Variants in MYO6 observed in about 807,000 individuals in gnomAD.
The protein encoded by MYO6 is unconventional myosin-VI.
In MYO6, 74 loss-of-function variants were observed where a neutral mutation model predicts 178.7. That is an observed-to-expected ratio of 0.41 (90% CI 0.34 to 0.50). MYO6 has a LOEUF of 0.50. Ranked by LOEUF, MYO6 falls within the 20% of genes least tolerant of loss-of-function variation. The pLI, the probability that MYO6 is intolerant of heterozygous loss-of-function variation, is 0.09. For synonymous variants in MYO6, 477 were observed against 504.6 expected (o/e 0.95, Z 0.73); for missense variants, 1,330 against 1,547.4 (o/e 0.86, Z 2.36).
rs1357096102 is a variant in MYO6 at position 75,918,477 on chromosome 6, G to A, written c.*3465G>A. ...TAGAATGAATAATGTGTAATTTATA[G>A]GATCAGAACGTATGGTTATTAAAAC... On this transcript the variant is annotated 3_prime_UTR_variant, in exon 35 of 35. Transcript: ENST00000369977. The A allele has an allele frequency of 6.6e-6, 1 of 152,168 alleles. No homozygotes were observed. Among genetic ancestry groups the A allele is most frequent in the East Asian group, 1.9e-4 (1 of 5,202 alleles). 9.4% of individuals were successfully genotyped at this position (152,168 alleles called of 1,614,324 possible).
At chr6:75,829,027 A>C (rs1772788525) in intron 4 of MYO6, among the ~76,000 whole-genome samples, 1 of 152,166 alleles carries the variant, frequency 6.6e-6, no homozygotes, top group Non-Finnish European at 1.5e-5. Flanking sequence ...TAAGGAATGT[A>C]TATTGAAATT....
At chr6:75,856,617 G>A (rs1281189635) in intron 12 of MYO6, among the ~76,000 whole-genome samples, 1 of 151,678 alleles carries the variant, frequency 6.6e-6, no homozygotes, top group Non-Finnish European at 1.5e-5. Flanking sequence ...CAATGGCTCT[G>A]TGTCTGTACC....
chr6:75,789,455 G>A (rs11962334), intron 1 of MYO6, among the ~76,000 whole-genome samples: 1,746 of 152,068 alleles, frequency 0.011, 69 homozygotes, highest in East Asian at 0.083. Context: ...TTCACTCTTC[G>A]AATGCTGAAT....
intron 15 of MYO6, among the ~76,000 whole-genome samples, 159 bp downstream of exon 15, chr6:75,861,254 T>C (rs1174991638): frequency 6.6e-6 from 1 of 152,224 alleles, no homozygotes; most frequent in Non-Finnish European, 1.5e-5. Context: ...AAGTTATTTT[T>C]TCCACCAAGA....
intron 30 of MYO6, among the ~76,000 whole-genome samples, chr6:75,901,424 T>C (rs565696757): frequency 6.6e-6 from 1 of 152,362 alleles, no homozygotes. Flanking sequence ...TAGTTCTCCT[T>C]GAAGAGGTCC....
In MYO6 at chr6:75,787,718, CTCTCTCTCTCTCTATATATATA is replaced by C. The variant is rs1335502856; in HGVS notation, c.-47-29781_-47-29760del. ...TCTCTCTCTCTCTCTCTCTCTCTCT[CTCTCTCTCTCTCTATATATATA>C]TATATATATATATATATATATGTAT... On this transcript the variant is annotated intron_variant, in intron 1 of 34. Transcript: ENST00000369977. 3.6e-4 allele frequency among the ~76,000 whole-genome samples: 15 copies of C among 41,828 alleles called. No individual in the cohort carries two copies. The East Asian group carries it at 3.7e-3, about 10-fold the overall frequency. The allele number at this position is 41,828 out of a possible 152,430, so 27.4% of individuals were successfully genotyped here.
intron 1 of MYO6, among the ~76,000 whole-genome samples, chr6:75,783,504 CAT>C: frequency 1.3e-5 from 2 of 149,892 alleles, no homozygotes; most frequent in South Asian, 4.2e-4. Context: ...TTAATAATGA[CAT>C]ATTTTCCAGA....
intron 1 of MYO6, among the ~76,000 whole-genome samples, chr6:75,786,708 A>G (rs1767598251): frequency 6.6e-6 from 1 of 152,198 alleles, no homozygotes; most frequent in Admixed American, 6.6e-5. Context: ...TTCTCAGATG[A>G]ACACCTTACC....
At chr6:75,888,292 A>G (rs1299091972) in intron 25 of MYO6, among the ~76,000 whole-genome samples, 2 of 151,524 alleles carry the variant, frequency 1.3e-5, no homozygotes, top group Admixed American at 1.3e-4. Context: ...AAAATAAATA[A>G]ATAAATGATA....
At chr6:75,897,915 A>C (rs892251621) in intron 29 of MYO6, among the ~76,000 whole-genome samples, 1 of 152,212 alleles carries the variant, frequency 6.6e-6, no homozygotes, top group African/African-American at 2.4e-5. Flanking sequence ...TGAATACATC[A>C]GATTCTTTTT....
intron 15 of MYO6, 130 bp downstream of exon 15, chr6:75,861,225 C>T (rs1251802946): frequency 3.9e-6 from 3 of 775,772 alleles, no homozygotes; most frequent in East Asian, 2.6e-5. Context: ...GAGAAGGTTA[C>T]TTCTGTATTA....
Position 75,898,389 on chromosome 6 carries a change from G to A in MYO6, c.3154G>A (p.Glu1052Lys). 6.2e-7 allele frequency: 1 copy of A among 1,610,306 alleles called. No homozygotes were observed. The highest frequency in any genetic ancestry group is 8.5e-7 in the Non-Finnish European group (1 of 1,176,686). Residue 1052 changes from glutamate to lysine, a missense_variant, in exon 30 of 35, where the codon GAA (glutamate) becomes AAA (lysine). By Grantham distance (56) the Glu-to-Lys change is moderately conservative. Coordinates refer to ENST00000369977, the MANE Select transcript of MYO6 (RefSeq NM_004999.4). ...PKMTPEQMAK[E>K]MSEFLSRGPA... ...TTCTTGTAGGGAACAAATGGCCAAA[G>A]AAATGTCAGAATTTTTGAGTAGGTT...
chr6:75,833,739 T>C (rs1010503549), intron 6 of MYO6, among the ~76,000 whole-genome samples: 2 of 152,160 alleles, frequency 1.3e-5, no homozygotes, highest in Admixed American at 6.5e-5. Flanking sequence ...TGTTTATCCA[T>C]GCATTTGTCA....
At chr6:75,763,460 A>C (rs756379191) in intron 1 of MYO6, among the ~76,000 whole-genome samples, 1 of 152,206 alleles carries the variant, frequency 6.6e-6, no homozygotes, top group Admixed American at 6.5e-5. Flanking sequence ...TTTTTCACAC[A>C]TTACTTTTGC....
intron 1 of MYO6, among the ~76,000 whole-genome samples, chr6:75,781,536 C>G (rs1486653279): frequency 6.6e-6 from 1 of 152,126 alleles, no homozygotes; most frequent in East Asian, 1.9e-4. Flanking sequence ...ACACGTTGAT[C>G]TCTGCTGGGG....
chr6:75,877,574 A>G (rs1478965203), intron 20 of MYO6, among the ~76,000 whole-genome samples: 1 of 151,982 alleles, frequency 6.6e-6, no homozygotes, highest in Non-Finnish European at 1.5e-5. Flanking sequence ...GCCTAAAATT[A>G]CTATCTTCTG....
intron 1 of MYO6, among the ~76,000 whole-genome samples, chr6:75,805,818 A>C (rs559747417): frequency 7.2e-5 from 11 of 152,336 alleles, no homozygotes; most frequent in African/African-American, 2.6e-4. Flanking sequence ...GTATTTGTGC[A>C]AAGTATATGT....
At chr6:75,791,678 A>G (rs1271595268) in intron 1 of MYO6, among the ~76,000 whole-genome samples, 2 of 152,218 alleles carry the variant, frequency 1.3e-5, no homozygotes, top group Non-Finnish European at 2.9e-5. Flanking sequence ...TTATGTCATA[A>G]GGATGTGTTT....
chr6:75,908,792 A>T (rs1780543609), intron 32 of MYO6, among the ~76,000 whole-genome samples, 165 bp downstream of exon 32: 1 of 152,126 alleles, frequency 6.6e-6, no homozygotes, highest in South Asian at 2.1e-4. Context: ...TTATAGCGTT[A>T]TTTTTATGAG....
Sources: gnomAD v4.1 joint callset for allele counts (sites outside exome capture counted in the v4.1 genomes callset) on GRCh38, gnomAD v4.1.1 for gene constraint, MANE v1.5 for transcripts, NCBI Gene and HGNC (gene_info 2026-07-23, HGNC 2026-07-21) for gene names.